LRRTM3: variants seen among roughly 807,000 people sequenced by gnomAD.
LRRTM3 encodes leucine rich repeat transmembrane neuronal 3.
A neutral mutation model predicts 44.7 loss-of-function variants in LRRTM3; 24 were observed. The ratio of observed to expected loss-of-function variants is 0.54; its 90% confidence interval spans 0.39 to 0.76. The LOEUF (loss-of-function observed/expected upper bound fraction) is 0.76, where lower values mean the gene tolerates loss of function less well. Among genes scored for constraint, LRRTM3 ranks in the 30% least tolerant of loss-of-function variants. The probability of loss-of-function intolerance (pLI) is 0.00; values close to 1 mark genes in which losing one functional copy is unlikely to be tolerated. For synonymous variants in LRRTM3, 277 were observed against 278.7 expected (o/e 0.99, Z 0.06); for missense variants, 587 against 702.2 (o/e 0.84, Z 1.85).
At chr10:67,070,277 A>C (rs1485639960) in intron 2 of LRRTM3, among the ~76,000 whole-genome samples, 4 of 151,874 alleles carry the variant, frequency 2.6e-5, no homozygotes, top group Non-Finnish European at 5.9e-5. Context: ...TATTTGCAGG[A>C]GTTCTTATGT....
At chr10:67,048,677 T>G (rs537409476) in intron 2 of LRRTM3, among the ~76,000 whole-genome samples, 2 of 152,162 alleles carry the variant, frequency 1.3e-5, no homozygotes, top group Middle Eastern at 3.4e-3. Context: ...ACTACATAGC[T>G]CTCACAGTAA....
intron 2 of LRRTM3, among the ~76,000 whole-genome samples, chr10:67,015,962 T>G (rs1852631531): frequency 6.6e-6 from 1 of 152,170 alleles, no homozygotes; most frequent in Non-Finnish European, 1.5e-5. Context: ...TCTGTCATTT[T>G]TTTCATTTCC....
At chr10:66,995,733 T>TA (rs1440392814) in intron 2 of LRRTM3, among the ~76,000 whole-genome samples, 3 of 152,156 alleles carry the variant, frequency 2.0e-5, no homozygotes, top group Non-Finnish European at 4.4e-5. Flanking sequence ...TCCTTCTGCT[T>TA]AAAAGATCTT....
chr10:67,066,626 C>T (rs79909191), intron 2 of LRRTM3, among the ~76,000 whole-genome samples: 1,579 of 131,266 alleles, frequency 0.012, 29 homozygotes, highest in African/African-American at 0.045. Flanking sequence ...TACACTGAAA[C>T]CCCACATCAC....
At chr10:67,097,519 C>A in intron 2 of LRRTM3, 68 bp from the exon 3 acceptor site, 1 of 1,404,226 alleles carries the variant, frequency 7.1e-7, no homozygotes, top group Non-Finnish European at 1.0e-6. Flanking sequence ...GCACTTCAGT[C>A]TCTAAATCTT....
Position 67,049,008 on chromosome 10 carries a change from C to T in LRRTM3, c.1537-48579C>T, listed in dbSNP as rs188280511. The stretch of plus-strand genomic sequence containing the variant: ...TTCTTTTAACATAGTTATTTTATAG[C>T]AAAAATTTATGATGATAACTGGTTT... On this transcript the variant is annotated intron_variant, in intron 2 of 2. Transcript: ENST00000361320. Among the ~76,000 whole-genome samples, 581 of 140,432 alleles carry T rather than the reference C, an allele frequency of 4.1e-3. 6 individuals carry two copies. Among genetic ancestry groups the T allele is most frequent in the Admixed American group, 8.2e-3 (107 of 13,086 alleles). The allele number at this position is 140,432 out of a possible 152,430, so 92.1% of individuals were successfully genotyped here.
At chr10:67,069,000 C>A (rs1564869367) in intron 2 of LRRTM3, among the ~76,000 whole-genome samples, 1 of 151,968 alleles carries the variant, frequency 6.6e-6, no homozygotes, top group Non-Finnish European at 1.5e-5. Context: ...GTACAGGTTG[C>A]AGCTCAGATC....
chr10:66,981,878 C>T (rs1850461767), intron 2 of LRRTM3, among the ~76,000 whole-genome samples: 1 of 152,184 alleles, frequency 6.6e-6, no homozygotes, highest in South Asian at 2.1e-4. Flanking sequence ...TTCCCACTTA[C>T]TTGCTCCCAA....
At chr10:66,983,342 C>T (rs1564811671) in intron 2 of LRRTM3, among the ~76,000 whole-genome samples, 2 of 152,058 alleles carry the variant, frequency 1.3e-5, no homozygotes, top group Admixed American at 6.6e-5. Flanking sequence ...CAAATCTCTC[C>T]CTGGTATCTG....
intron 2 of LRRTM3, among the ~76,000 whole-genome samples, chr10:67,064,108 T>C (rs2133229683): frequency 6.6e-6 from 1 of 152,324 alleles, no homozygotes; most frequent in East Asian, 1.9e-4. Context: ...CCTTGAGTCA[T>C]CTTCCCAGAT....
chr10:66,980,957 A>G (rs1850398606), intron 2 of LRRTM3, among the ~76,000 whole-genome samples: 1 of 151,532 alleles, frequency 6.6e-6, no homozygotes, highest in Non-Finnish European at 1.5e-5. Context: ...CCCAGGCTGG[A>G]GTGCGATGGT....
At chr10:66,970,219 A>G (rs965197087) in intron 2 of LRRTM3, among the ~76,000 whole-genome samples, 2 of 152,274 alleles carry the variant, frequency 1.3e-5, no homozygotes, top group Middle Eastern at 6.8e-3. Flanking sequence ...GTAAGAAGGT[A>G]TTAGATTCAA....
intron 2 of LRRTM3, among the ~76,000 whole-genome samples, chr10:67,047,400 G>A (rs1854820600): frequency 1.3e-5 from 2 of 152,102 alleles, no homozygotes; most frequent in South Asian, 2.1e-4. Context: ...AAAAACAAGA[G>A]AGAACAATGA....
rs3056552 is a variant in LRRTM3 at position 66,931,192 on chromosome 10, T to TAAAAA, written c.1536+2755_1536+2759dup. On this transcript the variant is annotated intron_variant, in intron 2 of 2. Transcript: ENST00000361320. Reference sequence around the variant, plus strand: ...GACTTCCCTCAAAGGTGACAACAGTTAAAAAAAAAAAAAAAAAAAGCCTGA... The same window carrying TAAAAA: ...GACTTCCCTCAAAGGTGACAACAGTTAAAAAAAAAAAAAAAAAAAAAAAAGCCTGA... 5.0e-3 allele frequency among the ~76,000 whole-genome samples: 588 copies of TAAAAA among 118,612 alleles called. 6 individuals carry two copies. Among genetic ancestry groups the TAAAAA allele is most frequent in the African/African-American group, 0.015 (471 of 31,116 alleles). 77.8% of individuals were successfully genotyped at this position (118,612 alleles called of 152,430 possible). A position where few individuals can be genotyped will look rare whatever the true frequency, so the allele number is the denominator to read the frequency against.
intron 2 of LRRTM3, among the ~76,000 whole-genome samples, chr10:66,991,523 T>C (rs993972533): frequency 1.6e-4 from 24 of 152,144 alleles, no homozygotes; most frequent in African/African-American, 5.8e-4. Flanking sequence ...AAATAAAACA[T>C]TTTGTAGACT....
intron 2 of LRRTM3, among the ~76,000 whole-genome samples, chr10:67,069,103 A>G (rs1856276431): frequency 6.6e-6 from 1 of 152,002 alleles, no homozygotes; most frequent in Non-Finnish European, 1.5e-5. Context: ...AAAGAAAAAG[A>G]AGAAGACAAA....
rs911296774 is a variant in LRRTM3 at position 67,050,447 on chromosome 10, GA to G, written c.1537-47131del. Among the ~76,000 whole-genome samples, 3 of 150,814 alleles carry G rather than the reference GA, an allele frequency of 2.0e-5. 1 individual carries two copies. The highest frequency in any genetic ancestry group is 2.4e-5 in the African/African-American group (1 of 41,034). ...CAAATGACTTAAGAATATTAGAAAA[GA>G]AAAAAAAAGTACCCATTCAGCTTAG... On this transcript the variant is annotated intron_variant, in intron 2 of 2. Coordinates refer to ENST00000361320, the MANE Select transcript of LRRTM3 (RefSeq NM_178011.5).
At chr10:67,069,055 AAT>A (rs1554911292) in intron 2 of LRRTM3, among the ~76,000 whole-genome samples, 67 of 131,898 alleles carry the variant, frequency 5.1e-4, no homozygotes, top group African/African-American at 1.6e-3. Context: ...CAGGAAAAAA[AAT>A]ATATATATGT....
intron 2 of LRRTM3, among the ~76,000 whole-genome samples, chr10:66,997,017 C>T (rs549224767): frequency 6.6e-6 from 1 of 152,194 alleles, no homozygotes; most frequent in South Asian, 2.1e-4. Flanking sequence ...ATTTAGCTGC[C>T]TGGATAGCAG....
Sources: allele counts gnomAD v4.1 joint callset (sites outside exome capture counted in the v4.1 genomes callset), GRCh38; gene constraint gnomAD v4.1.1; transcripts MANE v1.5; gene names NCBI Gene and HGNC (gene_info 2026-07-23, HGNC 2026-07-21).